Variants in PHACTR1 observed in about 807,000 individuals in gnomAD.
The protein encoded by PHACTR1 is RPEL repeat containing 1.
PHACTR1 carries 16 observed loss-of-function variants against 69.2 expected under a neutral mutation model. That is an observed-to-expected ratio of 0.23 (90% CI 0.16 to 0.35). PHACTR1 has a LOEUF of 0.35. Ranked by LOEUF, PHACTR1 falls within the 10% of genes least tolerant of loss-of-function variation. PHACTR1 has a pLI of 1.00. For synonymous variants in PHACTR1, 312 were observed against 284.5 expected (o/e 1.10, Z -0.97); for missense variants, 510 against 734.7 (o/e 0.69, Z 3.54).
Position 13,179,075 on chromosome 6 carries a change from A to C in PHACTR1, c.497-3444A>C, listed in dbSNP as rs1761802388. Among the ~76,000 whole-genome samples, 1 of 152,152 alleles carries C rather than the reference A, an allele frequency of 6.6e-6. No individual in the cohort carries two copies. Among genetic ancestry groups the C allele is most frequent in the Non-Finnish European group, 1.5e-5 (1 of 68,030 alleles). ...ACATGGCAAAACCCTGTCTCTACAA[A>C]AAATATAAAAATTAGTGGGGCATGG... On this transcript the variant is annotated intron_variant, in intron 6 of 14. Coordinates refer to ENST00000332995, the MANE Select transcript of PHACTR1 (RefSeq NM_030948.6). This position sits in a 1 kb window ranked among gnomAD's most constrained non-coding sequence, Gnocchi z 4.2.
chr6:13,096,504 G>A (rs1249068033), intron 5 of PHACTR1, among the ~76,000 whole-genome samples: 2 of 152,208 alleles, frequency 1.3e-5, no homozygotes, highest in Non-Finnish European at 2.9e-5. Context: ...AGCAAATCAA[G>A]TGTTGGTGAC....
chr6:12,882,420 T>G (rs953938003), intron 4 of PHACTR1, among the ~76,000 whole-genome samples: 1 of 152,060 alleles, frequency 6.6e-6, no homozygotes, highest in Non-Finnish European at 1.5e-5. Context: ...TTGTGGCAAT[T>G]TATCTCATTA....
At chr6:12,727,879 A>T (rs1202604187) in intron 3 of PHACTR1, among the ~76,000 whole-genome samples, 3 of 152,212 alleles carry the variant, frequency 2.0e-5, no homozygotes, top group Admixed American at 6.5e-5. Flanking sequence ...CTTATGCAAA[A>T]CCATGGAATG....
At chr6:12,866,703 C>T (rs574718216) in intron 4 of PHACTR1, among the ~76,000 whole-genome samples, 1 of 152,312 alleles carries the variant, frequency 6.6e-6, no homozygotes, top group Admixed American at 6.5e-5. Context: ...CAGCTTCCCT[C>T]TGCAAATAAA....
intron 4 of PHACTR1, among the ~76,000 whole-genome samples, chr6:12,991,967 A>G (rs1796871370): frequency 6.6e-6 from 1 of 151,618 alleles, no homozygotes; most frequent in Non-Finnish European, 1.5e-5. Flanking sequence ...CCCTTATGAA[A>G]GGTCTTTCAA....
intron 6 of PHACTR1, among the ~76,000 whole-genome samples, chr6:13,177,172 T>TAAAAAAAAAAAAAAAAAA (rs530741132): frequency 1.6e-5 from 1 of 63,376 alleles, no homozygotes; most frequent in African/African-American, 1.0e-4. Context: ...ACCCCATCTC[T>TAAAAAAAAAAAAAAAAAA]AAAAAAAAAA....
chr6:13,145,215 G>A (rs1319961188), intron 5 of PHACTR1, among the ~76,000 whole-genome samples: 3 of 152,164 alleles, frequency 2.0e-5, no homozygotes, highest in Non-Finnish European at 4.4e-5. Flanking sequence ...CTCACCACCT[G>A]AAATGACTCT....
intron 5 of PHACTR1, among the ~76,000 whole-genome samples, chr6:13,055,218 A>T (rs1002609372): frequency 6.6e-6 from 1 of 152,146 alleles, no homozygotes; most frequent in African/African-American, 2.4e-5. Context: ...GAATTTCATA[A>T]ATTTCTAAAT....
intron 4 of PHACTR1, among the ~76,000 whole-genome samples, chr6:13,014,582 A>G (rs1249036710): frequency 6.6e-6 from 1 of 151,990 alleles, no homozygotes; most frequent in African/African-American, 2.4e-5. Flanking sequence ...ATCAGTTTGG[A>G]GAGGCGGTTT....
chr6:12,978,472 TG>T (rs747023729), intron 4 of PHACTR1, among the ~76,000 whole-genome samples: 1 of 152,184 alleles, frequency 6.6e-6, no homozygotes, highest in East Asian at 1.9e-4. Context: ...TGCCCTGCTC[TG>T]CCTCCTCAGC....
intron 10 of PHACTR1, among the ~76,000 whole-genome samples, chr6:13,270,872 C>T (rs1777557894): frequency 6.6e-6 from 1 of 152,036 alleles, no homozygotes; most frequent in Admixed American, 6.5e-5. Flanking sequence ...ATGGCCCTGG[C>T]ATTTGCTTGA....
intron 7 of PHACTR1, among the ~76,000 whole-genome samples, chr6:13,202,032 C>T (rs1308347264): frequency 6.6e-6 from 1 of 152,152 alleles, no homozygotes; most frequent in African/African-American, 2.4e-5. Context: ...TCACAATGAC[C>T]AGAAAGGAGA....
chr6:13,014,945 T>C (rs1007917556), intron 4 of PHACTR1, among the ~76,000 whole-genome samples: 1 of 152,210 alleles, frequency 6.6e-6, no homozygotes, highest in Non-Finnish European at 1.5e-5. Context: ...TGCGCGACCC[T>C]CCAGGCGGTT....
At chr6:13,243,294 A>G (rs73725637) in intron 10 of PHACTR1, among the ~76,000 whole-genome samples, 10,812 of 144,716 alleles carry the variant, frequency 0.075, 1,174 homozygotes, top group African/African-American at 0.25. Flanking sequence ...CTACAACCTT[A>G]TAACCACTTA....
At chr6:13,229,938 T>C (rs1770543050) in intron 9 of PHACTR1, 99 bp from the exon 10 acceptor site, 14 of 1,368,486 alleles carry the variant, frequency 1.0e-5, no homozygotes, top group Non-Finnish European at 1.4e-5. Flanking sequence ...AAAACCTTGA[T>C]GACTTCCTTC....
chr6:12,839,559 G>T, intron 4 of PHACTR1, among the ~76,000 whole-genome samples: 1 of 152,052 alleles, frequency 6.6e-6, no homozygotes. Flanking sequence ...GGTTCCTTCT[G>T]CCTGGTCCCA....
intron 5 of PHACTR1, among the ~76,000 whole-genome samples, chr6:13,121,517 A>G (rs984386480): frequency 1.3e-5 from 2 of 152,250 alleles, no homozygotes; most frequent in African/African-American, 4.8e-5. Context: ...GTTAACGATT[A>G]CACTCTGCTA....
At chr6:13,115,498 T>TA (rs1367861476) in intron 5 of PHACTR1, among the ~76,000 whole-genome samples, 2 of 152,142 alleles carry the variant, frequency 1.3e-5, no homozygotes, top group Non-Finnish European at 2.9e-5. Flanking sequence ...ACCCATGTCT[T>TA]ACTTAGCATT....
chr6:13,200,228 T>TG (rs398000517), intron 7 of PHACTR1, among the ~76,000 whole-genome samples: 1 of 152,020 alleles, frequency 6.6e-6, no homozygotes, highest in African/African-American at 2.4e-5. Flanking sequence ...CTTTTTTTTT[T>TG]GAGATGGAGT....
Sources: allele counts gnomAD v4.1 joint callset (sites outside exome capture counted in the v4.1 genomes callset), GRCh38; gene constraint gnomAD v4.1.1; non-coding constraint Gnocchi (gnomAD v3.1); transcripts MANE v1.5; gene names NCBI Gene and HGNC (gene_info 2026-07-23, HGNC 2026-07-21).